Variants in AFAP1 observed in about 807,000 individuals in gnomAD.
The protein encoded by AFAP1 is actin filament-associated protein 1.
Under a neutral mutation model 93.9 loss-of-function variants are expected in AFAP1, and 75 were observed. That is an observed-to-expected ratio of 0.80 (90% CI 0.66 to 0.97). AFAP1 has a LOEUF of 0.97. Ranked by LOEUF, AFAP1 falls within the 50% of genes least tolerant of loss-of-function variation. The pLI is 0.00. For missense variants in AFAP1, 1,201 were observed against 1,050.8 expected, an observed-to-expected ratio of 1.14 and a Z score of -1.98; for synonymous variants, 517 against 430.7, an observed-to-expected ratio of 1.20 and a Z score of -2.48.
intron 1 of AFAP1, among the ~76,000 whole-genome samples, chr4:7,933,297 G>C (rs146209254): frequency 6.6e-6 from 1 of 151,924 alleles, no homozygotes; most frequent in Admixed American, 6.6e-5. Flanking sequence ...AGAACTGGCC[G>C]AGCACGGTGG....
intron 1 of AFAP1, among the ~76,000 whole-genome samples, chr4:7,893,580 CAAAAAAA>C (rs11331784): frequency 1.0e-4 from 11 of 106,240 alleles, no homozygotes; most frequent in South Asian, 3.6e-4. Flanking sequence ...GACTCTGTCT[CAAAAAAA>C]AAAAAAAAAA....
At position 7,930,374 on chromosome 4, in the gene AFAP1, TGGCTAGCTCAATCTCTCATTGGCCACC is replaced by T. The variant is rs1302249221; in HGVS notation, c.-3+9255_-3+9281del. 2.1e-3 allele frequency among the ~76,000 whole-genome samples: 6 copies of T among 2,812 alleles called. No individual in the cohort carries two copies. The East Asian group carries it at 0.047, about 22-fold the overall frequency. The allele number at this position is 2,812 out of a possible 152,430, so 1.8% of individuals were successfully genotyped here. A position where few individuals can be genotyped will look rare whatever the true frequency, so the allele number is the denominator to read the frequency against. ...ACATGATTAAGTCATTGGCCACCGG[TGGCTAGCTCAATCTCTCATTGGCCACC>T]GGTGGCTAGCTCAATCTCCAGCCCA... On this transcript the variant is annotated intron_variant, in intron 1 of 17. Transcript: ENST00000420658.
chr4:7,809,494 G>T, intron 9 of AFAP1, 120 bp downstream of exon 9: 1 of 1,202,014 alleles, frequency 8.3e-7, no homozygotes, highest in Non-Finnish European at 1.2e-6. Context: ...ATGATTCCAA[G>T]TCCAATGCAA....
At chr4:7,894,116 G>A (rs1718632450) in intron 1 of AFAP1, among the ~76,000 whole-genome samples, 1 of 152,180 alleles carries the variant, frequency 6.6e-6, no homozygotes, top group Non-Finnish European at 1.5e-5. Flanking sequence ...TGGGAACAGT[G>A]GGGGTTAAAT....
chr4:7,882,408 T>C (rs1012389799), intron 1 of AFAP1, among the ~76,000 whole-genome samples: 8 of 151,184 alleles, frequency 5.3e-5, no homozygotes, highest in Non-Finnish European at 7.4e-5. Context: ...TTTTTTTTTT[T>C]TGAAGCAAAT....
intron 16 of AFAP1, among the ~76,000 whole-genome samples, chr4:7,771,924 G>A (rs1441135639): frequency 6.6e-6 from 1 of 152,156 alleles, no homozygotes; most frequent in Non-Finnish European, 1.5e-5. Context: ...CTGTGCGGGT[G>A]GTGCCCGGTA....
chr4:7,918,987 G>A (rs1365814220), intron 1 of AFAP1, among the ~76,000 whole-genome samples: 1 of 141,452 alleles, frequency 7.1e-6, no homozygotes, highest in South Asian at 2.3e-4. Context: ...CTCGGCCCAG[G>A]TCACCAGGAA....
intron 1 of AFAP1, among the ~76,000 whole-genome samples, chr4:7,890,004 T>TTAAAA (rs1553852391): frequency 1.0e-5 from 1 of 100,356 alleles, no homozygotes; most frequent in African/African-American, 4.0e-5. Flanking sequence ...CAATTTTTGT[T>TTAAAA]AAAAAAAAAA....
At chr4:7,917,735 T>C (rs914919881) in intron 1 of AFAP1, among the ~76,000 whole-genome samples, 2 of 152,116 alleles carry the variant, frequency 1.3e-5, no homozygotes, top group Non-Finnish European at 2.9e-5. Flanking sequence ...TGTGATCACA[T>C]CAATCCCACC....
At chr4:7,771,525 T>C (rs1715439060) in intron 16 of AFAP1, among the ~76,000 whole-genome samples, 1 of 152,232 alleles carries the variant, frequency 6.6e-6, no homozygotes, top group South Asian at 2.1e-4. Context: ...AATGAATGAA[T>C]GCATGTGTAT....
intron 1 of AFAP1, among the ~76,000 whole-genome samples, chr4:7,898,713 G>T (rs1577344241): frequency 6.7e-6 from 1 of 150,038 alleles, no homozygotes; most frequent in Admixed American, 6.6e-5. Context: ...CTTTCCCCTG[G>T]CAACTTAAGG....
chr4:7,930,340 A>G (rs569188661), intron 1 of AFAP1, among the ~76,000 whole-genome samples: 43 of 150,546 alleles, frequency 2.9e-4, no homozygotes, highest in South Asian at 6.4e-4. Flanking sequence ...TGGAGTTTTC[A>G]TAACATAGAC....
At chr4:7,870,063 T>C (rs547995644) in intron 2 of AFAP1, among the ~76,000 whole-genome samples, 194 of 152,258 alleles carry the variant, frequency 1.3e-3, no homozygotes, top group African/African-American at 4.4e-3. Flanking sequence ...AGGCACTGTT[T>C]TGAAATATTT....
chr4:7,818,572 T>C (rs1163586608), intron 7 of AFAP1, among the ~76,000 whole-genome samples: 1 of 152,168 alleles, frequency 6.6e-6, no homozygotes, highest in Non-Finnish European at 1.5e-5. Context: ...GCCTGCGGCG[T>C]CACAGTGATG....
chr4:7,923,959 A>C (rs535885944), intron 1 of AFAP1, among the ~76,000 whole-genome samples: 97 of 152,346 alleles, frequency 6.4e-4, no homozygotes, highest in African/African-American at 2.3e-3. Flanking sequence ...TGTTAAACAA[A>C]CAACCAAATG....
In AFAP1 at chr4:7,939,753, T is replaced by C. The variant is rs1414426889; in HGVS notation, c.-100A>G. The C allele has an allele frequency of 1.7e-5, 7 of 405,568 alleles. No individual in the cohort carries two copies. The highest frequency in any genetic ancestry group is 3.4e-5 in the Non-Finnish European group (7 of 206,380). The allele number at this position is 405,568 out of a possible 1,614,324, so 25.1% of individuals were successfully genotyped here. A position where few individuals can be genotyped will look rare whatever the true frequency, so the allele number is the denominator to read the frequency against. ...GACAGAGCCGCAGCCGCCTTAACAA[T>C]GGAGCCCCGGGGCGGGGCCGCCGCC... On this transcript the variant is annotated 5_prime_UTR_variant, in exon 1 of 18. Transcript: ENST00000420658. The surrounding 1 kb of genome is among the most constrained non-coding windows in gnomAD (Gnocchi z 5.6).
chr4:7,898,808 A>AGT (rs56404898), intron 1 of AFAP1, among the ~76,000 whole-genome samples: 15,564 of 136,886 alleles, frequency 0.11, 905 homozygotes, highest in South Asian at 0.18. Flanking sequence ...GGGCAGTAGA[A>AGT]GTGTGTGTGT....
At chr4:7,798,212 AC>A (rs1718647424) in intron 10 of AFAP1, among the ~76,000 whole-genome samples, 1 of 125,264 alleles carries the variant, frequency 8.0e-6, no homozygotes, top group African/African-American at 3.0e-5. Context: ...GGCTCACGGC[AC>A]TGCAACTCTA....
intron 1 of AFAP1, among the ~76,000 whole-genome samples, chr4:7,911,897 T>G (rs1719752929): frequency 6.6e-6 from 1 of 152,242 alleles, no homozygotes; most frequent in African/African-American, 2.4e-5. Context: ...TGTTCATGTT[T>G]TGGAAAGATT....
Sources: gnomAD v4.1 joint callset for allele counts (sites outside exome capture counted in the v4.1 genomes callset) on GRCh38, gnomAD v4.1.1 for gene constraint, Gnocchi (gnomAD v3.1) non-coding constraint, MANE v1.5 for transcripts, NCBI Gene and HGNC (gene_info 2026-07-23, HGNC 2026-07-21) for gene names.